The following SPTLC1 variants were observed in gnomAD, a reference collection of about 807,000 sequenced individuals.
SPTLC1 encodes the protein serine palmitoyltransferase long chain base subunit 1.
Under a neutral mutation model 68.9 loss-of-function variants are expected in SPTLC1, and 55 were observed. The observed-to-expected ratio is 0.80, with a 90% CI of 0.64 to 1.00. The LOEUF (loss-of-function observed/expected upper bound fraction) is 1.00. Ranked by LOEUF, SPTLC1 falls within the 50% of genes least tolerant of loss-of-function variation. The pLI is 0.00. For synonymous variants in SPTLC1, 197 were observed against 201.6 expected (o/e 0.98, Z 0.19); for missense variants, 449 against 573.1 (o/e 0.78, Z 2.21).
chr9:92,041,109 A>G (rs1353215257), intron 12 of SPTLC1, among the ~76,000 whole-genome samples: 1 of 152,212 alleles, frequency 6.6e-6, no homozygotes, highest in Non-Finnish European at 1.5e-5. Flanking sequence ...GTGTGCTTAC[A>G]GTCTATAGGG....
At chr9:92,062,409 T>C (rs1194332221) in intron 6 of SPTLC1, among the ~76,000 whole-genome samples, 1 of 152,132 alleles carries the variant, frequency 6.6e-6, no homozygotes, top group Non-Finnish European at 1.5e-5. Flanking sequence ...ACAATTACAG[T>C]TGGAAACTTC....
chr9:92,060,397 G>T (rs1166194854), intron 6 of SPTLC1, among the ~76,000 whole-genome samples: 1 of 152,076 alleles, frequency 6.6e-6, no homozygotes, highest in African/African-American at 2.4e-5. Flanking sequence ...TTTTAGAGCA[G>T]CCACGATAAA....
chr9:92,070,230 G>A (rs1299401681), intron 5 of SPTLC1: 1 of 152,190 alleles, frequency 6.6e-6, no homozygotes, highest in Admixed American at 6.5e-5. Context: ...TTTGTGACAG[G>A]TAAATATGGG....
At chr9:92,086,807 A>G (rs990436357) in intron 3 of SPTLC1, among the ~76,000 whole-genome samples, 1 of 152,136 alleles carries the variant, frequency 6.6e-6, no homozygotes, top group African/African-American at 2.4e-5. Context: ...TAGATTGGGG[A>G]AGTTCTCCTG....
At chr9:92,090,620 AAC>A (rs200819188) in intron 3 of SPTLC1, among the ~76,000 whole-genome samples, 21 of 119,508 alleles carry the variant, frequency 1.8e-4, no homozygotes, top group African/African-American at 6.6e-4. Context: ...TCAAAAAACA[AAC>A]AAAAAAAAAT....
Position 92,105,438 on chromosome 9 carries a change from GCCCAC to G in SPTLC1, c.260+3297_260+3301del, listed in dbSNP as rs1835923436. The stretch of plus-strand genomic sequence containing the variant: ...AAGAGACAGCAGGGCAGGCGTGGTG[GCCCAC>G]GCCTGTAATCCAGCACTTTGGGAGG... On this transcript the variant is annotated intron_variant, in intron 3 of 14. Coordinates refer to ENST00000262554, the MANE Select transcript of SPTLC1 (RefSeq NM_006415.4). 5.2e-6 allele frequency: 7 copies of G among 1,353,846 alleles called. No individual in the cohort carries two copies. The Admixed American group carries it at 1.3e-4, about 25-fold the overall frequency. 83.9% of individuals were successfully genotyped at this position (1,353,846 alleles called of 1,614,324 possible).
At chr9:92,079,497 A>G in intron 5 of SPTLC1, 1 of 1,612,622 alleles carries the variant, frequency 6.2e-7, no homozygotes, top group Non-Finnish European at 8.5e-7. Flanking sequence ...TCATACATTC[A>G]TCAAATATTT....
Position 92,052,043 on chromosome 9 carries a change from G to A in SPTLC1, c.781-1976C>T, listed in dbSNP as rs528701728. Among the ~76,000 whole-genome samples, 211 of 152,234 alleles carry A rather than the reference G, an allele frequency of 1.4e-3. 1 individual carries two copies. Among genetic ancestry groups the A allele is most frequent in the African/African-American group, 3.9e-3 (160 of 41,544 alleles). ...TTCCCAATGTGACTACATATTCAATGCAATCCCCACCAAAATCCCAACAAT... is the reference window on the plus strand; with the variant it reads ...TTCCCAATGTGACTACATATTCAATACAATCCCCACCAAAATCCCAACAAT... On this transcript the variant is annotated intron_variant, in intron 8 of 14. Coordinates refer to ENST00000262554, the MANE Select transcript of SPTLC1 (RefSeq NM_006415.4).
intron 3 of SPTLC1, among the ~76,000 whole-genome samples, chr9:92,101,968 C>A (rs1835770819): frequency 6.6e-6 from 1 of 152,014 alleles, no homozygotes; most frequent in Admixed American, 6.6e-5. Flanking sequence ...CCCAAAAAGG[C>A]CTTTTCTAAG....
chr9:92,080,013 T>G lies in SPTLC1; in HGVS notation c.427+3A>C. ...TCTCAAAGAGAACACAACAAAAACT[T>G]ACCAAATGTGCCATAAAATCCTCTG... On this transcript the variant is annotated splice_donor_region_variant and intron_variant, in intron 5 of 14. Transcript: ENST00000262554. The G allele has an allele frequency of 6.2e-7, 1 of 1,612,258 alleles. No homozygotes were observed. The highest frequency in any genetic ancestry group is 8.5e-7 in the Non-Finnish European group (1 of 1,179,200).
intron 5 of SPTLC1, among the ~76,000 whole-genome samples, chr9:92,068,590 C>T (rs1834372595): frequency 1.3e-5 from 2 of 152,216 alleles, no homozygotes; most frequent in South Asian, 4.1e-4. Flanking sequence ...TGGCACCTCC[C>T]ATCACTTTCT....
At chr9:92,082,148 T>C (rs1321697194) in intron 3 of SPTLC1, among the ~76,000 whole-genome samples, 1 of 152,100 alleles carries the variant, frequency 6.6e-6, no homozygotes, top group Non-Finnish European at 1.5e-5. Context: ...CTCAGGGAAA[T>C]TGCTATTATG....
chr9:92,073,172 T>C (rs1225831009), intron 5 of SPTLC1, among the ~76,000 whole-genome samples: 1 of 152,184 alleles, frequency 6.6e-6, no homozygotes, highest in East Asian at 1.9e-4. Context: ...TCCCTTTCTC[T>C]ATATCTGACC....
intron 3 of SPTLC1, among the ~76,000 whole-genome samples, chr9:92,101,486 TG>T (rs1835747139): frequency 7.8e-6 from 1 of 128,640 alleles, no homozygotes; most frequent in Non-Finnish European, 1.6e-5. Flanking sequence ...GGCGTGAACC[TG>T]GGAGGCGGAG....
chr9:92,038,194 TGG>T (rs1833209380), intron 13 of SPTLC1, 52 bp downstream of exon 13: 2 of 1,210,244 alleles, frequency 1.7e-6, no homozygotes, highest in Non-Finnish European at 2.5e-6. Context: ...AAAAATTGCT[TGG>T]GGCAAGGGCA....
intron 3 of SPTLC1, among the ~76,000 whole-genome samples, chr9:92,107,243 C>T (rs1020903948): frequency 9.2e-5 from 14 of 152,028 alleles, no homozygotes; most frequent in African/African-American, 3.1e-4. Context: ...TAAGGAGATA[C>T]GAATATATCC....
intron 5 of SPTLC1, among the ~76,000 whole-genome samples, chr9:92,073,059 T>G (rs1834555026): frequency 6.6e-6 from 1 of 151,048 alleles, no homozygotes; most frequent in South Asian, 2.1e-4. Flanking sequence ...TCCTCACACC[T>G]GCTCTGGCTT....
At chr9:92,107,955 T>A (rs529812283) in intron 3 of SPTLC1, 17 of 152,276 alleles carry the variant, frequency 1.1e-4, no homozygotes, top group African/African-American at 4.1e-4. Context: ...ATTATAAATA[T>A]AGGCAAAGAA....
At chr9:92,050,905 T>C (rs1207936812) in intron 8 of SPTLC1, 8 of 793,452 alleles carry the variant, frequency 1.0e-5, no homozygotes, top group Non-Finnish European at 1.2e-5. Flanking sequence ...CTTGACCTCC[T>C]GGGCTCAAGT....
Sources: gnomAD v4.1 joint callset for allele counts (sites outside exome capture counted in the v4.1 genomes callset) on GRCh38, gnomAD v4.1.1 for gene constraint, MANE v1.5 for transcripts, NCBI Gene and HGNC (gene_info 2026-07-23, HGNC 2026-07-21) for gene names.